KSR2: variants seen among roughly 807,000 people sequenced by gnomAD.
KSR2 encodes kinase suppressor of ras 2.
A neutral mutation model predicts 107.8 loss-of-function variants in KSR2; 25 were observed. That is an observed-to-expected ratio of 0.23 (90% CI 0.17 to 0.32). KSR2 has a LOEUF of 0.32. KSR2 is among the 10% of genes least tolerant of loss of function. The probability of loss-of-function intolerance (pLI) is 1.00; values close to 1 mark genes in which losing one functional copy is unlikely to be tolerated. For synonymous variants in KSR2, 480 were observed against 507.0 expected, an observed-to-expected ratio of 0.95 and a Z score of 0.71; for missense variants, 887 against 1,268.9, an observed-to-expected ratio of 0.70 and a Z score of 4.57.
intron 3 of KSR2, among the ~76,000 whole-genome samples, chr12:117,793,223 CCAA>C (rs1347790374): frequency 1.4e-5 from 2 of 142,786 alleles, no homozygotes; most frequent in Non-Finnish European, 3.0e-5. Flanking sequence ...CACCCTCACA[CCAA>C]CATGCACACA....
chr12:117,485,232 A>G (rs908714452), intron 15 of KSR2, among the ~76,000 whole-genome samples: 7 of 152,192 alleles, frequency 4.6e-5, no homozygotes, highest in Admixed American at 4.6e-4. Context: ...TTTCCCTAGC[A>G]GCAGTGGAGA....
chr12:117,712,399 A>G (rs898265299), intron 4 of KSR2, among the ~76,000 whole-genome samples: 1 of 152,162 alleles, frequency 6.6e-6, no homozygotes, highest in Non-Finnish European at 1.5e-5. Context: ...CGTAGGAACA[A>G]GACAGAGGGT....
At chr12:117,935,370 A>G in intron 1 of KSR2, among the ~76,000 whole-genome samples, 1 of 152,160 alleles carries the variant, frequency 6.6e-6, no homozygotes, top group East Asian at 1.9e-4. Flanking sequence ...GTGACTAGAA[A>G]GATGCTGCTA....
At chr12:117,547,910 C>CA (rs148503549) in intron 9 of KSR2, among the ~76,000 whole-genome samples, 5,243 of 152,104 alleles carry the variant, frequency 0.034, 301 homozygotes, top group African/African-American at 0.12. Context: ...GCCTGGCCAA[C>CA]TAGTGAAACC....
chr12:117,707,876 A>G (rs569463698), intron 4 of KSR2, among the ~76,000 whole-genome samples: 1 of 152,318 alleles, frequency 6.6e-6, no homozygotes, highest in Non-Finnish European at 1.5e-5. Flanking sequence ...TTCCTGGATC[A>G]ATGATCTCTG....
At chr12:117,720,926 G>A (rs1312657866) in intron 4 of KSR2, among the ~76,000 whole-genome samples, 1 of 152,172 alleles carries the variant, frequency 6.6e-6, no homozygotes, top group African/African-American at 2.4e-5. Context: ...AGATGAAGCT[G>A]GAAAGAGGAG....
At chr12:117,620,415 T>C (rs1385512585) in intron 5 of KSR2, among the ~76,000 whole-genome samples, 1 of 152,194 alleles carries the variant, frequency 6.6e-6, no homozygotes, top group Non-Finnish European at 1.5e-5. Flanking sequence ...CCAAACACCA[T>C]TCTGAGTGAC....
chr12:117,770,845 C>T (rs1195982649), intron 3 of KSR2, among the ~76,000 whole-genome samples: 2 of 151,572 alleles, frequency 1.3e-5, no homozygotes, highest in Admixed American at 6.6e-5. Context: ...TGCATGGTGG[C>T]GGGCGCCTAT....
chr12:117,453,924 C>G lies in KSR2; in HGVS notation c.*13275G>C, dbSNP rs1481607966. 2 of 151,970 alleles carry G rather than the reference C, an allele frequency of 1.3e-5. No individual in the cohort carries two copies. The highest frequency in any genetic ancestry group is 2.4e-5 in the African/African-American group (1 of 41,310). 9.4% of individuals were successfully genotyped at this position (151,970 alleles called of 1,614,324 possible). On this transcript the variant is annotated 3_prime_UTR_variant, in exon 20 of 20. Coordinates refer to ENST00000339824, the MANE Select transcript of KSR2 (RefSeq NM_173598.6). ...GTGGGGGCTGGTCTTGCCAGAGACT[C>G]TCTCACATCCTAAGAGACCTCTGCC... is the stretch of plus-strand genomic sequence containing the variant.
intron 3 of KSR2, among the ~76,000 whole-genome samples, chr12:117,813,413 T>A (rs185273956): frequency 2.6e-4 from 39 of 152,254 alleles, no homozygotes; most frequent in African/African-American, 9.4e-4. Flanking sequence ...AACCAAAATA[T>A]TTAAGAAGCT....
intron 5 of KSR2, among the ~76,000 whole-genome samples, chr12:117,608,384 C>T (rs1350105468): frequency 2.0e-5 from 3 of 152,188 alleles, no homozygotes; most frequent in African/African-American, 4.8e-5. Context: ...ATGATTTTAT[C>T]GTCACCTCCA....
At chr12:117,739,225 G>T (rs570650170) in intron 4 of KSR2, among the ~76,000 whole-genome samples, 14 of 151,852 alleles carry the variant, frequency 9.2e-5, no homozygotes, top group African/African-American at 3.1e-4. Flanking sequence ...CGTGGTAGCG[G>T]GCGCCTGTAG....
chr12:117,718,204 A>G (rs1887072118), intron 4 of KSR2, among the ~76,000 whole-genome samples: 1 of 152,228 alleles, frequency 6.6e-6, no homozygotes, highest in Admixed American at 6.5e-5. Context: ...TATTGTCTAG[A>G]GGTGCTGCTG....
At chr12:117,823,423 G>C (rs1411688334) in intron 3 of KSR2, among the ~76,000 whole-genome samples, 1 of 152,178 alleles carries the variant, frequency 6.6e-6, no homozygotes, top group Non-Finnish European at 1.5e-5. Context: ...AAATGAACGT[G>C]AGTTGAGTGC....
At chr12:117,755,493 C>A (rs527946152) in intron 4 of KSR2, among the ~76,000 whole-genome samples, 6 of 152,044 alleles carry the variant, frequency 3.9e-5, no homozygotes, top group Non-Finnish European at 8.8e-5. Flanking sequence ...TTTTGGGGTG[C>A]CACAAACCGT....
At chr12:117,950,363 T>C (rs906453924) in intron 1 of KSR2, among the ~76,000 whole-genome samples, 1 of 151,984 alleles carries the variant, frequency 6.6e-6, no homozygotes, top group Non-Finnish European at 1.5e-5. Context: ...ATAAAGCAAA[T>C]ATAGTAAAAT....
At chr12:117,557,464 C>A (rs1391354889) in intron 8 of KSR2, among the ~76,000 whole-genome samples, 1 of 152,160 alleles carries the variant, frequency 6.6e-6, no homozygotes, top group Admixed American at 6.5e-5. Flanking sequence ...GTTTAAAAAG[C>A]AGATTCTCAT....
chr12:117,829,493 G>A (rs1454366429), intron 3 of KSR2, among the ~76,000 whole-genome samples: 1 of 152,136 alleles, frequency 6.6e-6, no homozygotes, highest in East Asian at 1.9e-4. Flanking sequence ...TAAATCTCTT[G>A]TACCTAACAT....
chr12:117,616,113 T>A (rs895662934), intron 5 of KSR2, among the ~76,000 whole-genome samples: 4 of 148,286 alleles, frequency 2.7e-5, no homozygotes, highest in African/African-American at 1.0e-4. Context: ...GCCATAATCA[T>A]GCCACCCACT....
Sources: gnomAD v4.1 joint callset for allele counts (sites outside exome capture counted in the v4.1 genomes callset) on GRCh38, gnomAD v4.1.1 for gene constraint, MANE v1.5 for transcripts, NCBI Gene and HGNC (gene_info 2026-07-23, HGNC 2026-07-21) for gene names.